Variants in PATJ observed in about 807,000 individuals in gnomAD.
PATJ encodes the protein PATJ crumbs cell polarity complex component, also known as inaD-like protein.
In PATJ, 190 loss-of-function variants were observed where a neutral mutation model predicts 224.9. The observed-to-expected ratio is 0.84, with a 90% CI of 0.75 to 0.95. PATJ has a LOEUF of 0.95. Ranked by LOEUF, PATJ falls within the 40% of genes least tolerant of loss-of-function variation. The pLI is 0.00. For missense variants in PATJ, 2,121 were observed against 2,270.3 expected (o/e 0.93, Z 1.34); for synonymous variants, 769 against 820.3 (o/e 0.94, Z 1.07).
chr1:62,134,330 CTTTTTTTTTT>C (rs779235130), intron 41 of PATJ, among the ~76,000 whole-genome samples: 1 of 96,518 alleles, frequency 1.0e-5, no homozygotes, highest in Non-Finnish European at 1.9e-5. Context: ...CCAGCCCTCT[CTTTTTTTTTT>C]TTTTTTTTTC....
chr1:62,152,449 C>T (rs959409088), intron 42 of PATJ, among the ~76,000 whole-genome samples: 26 of 151,686 alleles, frequency 1.7e-4, no homozygotes, highest in Admixed American at 6.6e-4. Context: ...GTCAGGAGTT[C>T]GAGACCAGCC....
intron 41 of PATJ, among the ~76,000 whole-genome samples, chr1:62,131,983 G>T (rs1666315642): frequency 6.6e-6 from 1 of 151,818 alleles, no homozygotes; most frequent in African/African-American, 2.4e-5. Flanking sequence ...CAAGTAGCTG[G>T]GACTACAAGC....
rs1270006250 is a variant in PATJ at position 62,106,087 on chromosome 1, C to T, written c.4378-2350C>T. 3.5e-3 allele frequency among the ~76,000 whole-genome samples: 211 copies of T among 60,766 alleles called. 6 individuals are homozygous for T. The highest frequency in any genetic ancestry group is 0.012 in the African/African-American group (189 of 15,852). The allele number at this position is 60,766 out of a possible 152,430, so 39.9% of individuals were successfully genotyped here. On this transcript the variant is annotated intron_variant, in intron 33 of 43. Coordinates refer to ENST00000642238, the MANE Select transcript of PATJ (RefSeq NM_001350145.3). ...AAATATATATATATATATACACACA[C>T]ACACACACACACACACACACACACA...
intron 28 of PATJ, among the ~76,000 whole-genome samples, chr1:61,997,371 G>A (rs778469654): frequency 8.5e-5 from 13 of 152,182 alleles, no homozygotes; most frequent in Non-Finnish European, 1.5e-4. Context: ...TGAGTGGTCA[G>A]CCTCACACAC....
At chr1:61,778,520 C>T (rs895203089) in intron 7 of PATJ, among the ~76,000 whole-genome samples, 1 of 152,108 alleles carries the variant, frequency 6.6e-6, no homozygotes, top group Non-Finnish European at 1.5e-5. Flanking sequence ...GCTGAAAGGA[C>T]TATTATAATA....
intron 14 of PATJ, among the ~76,000 whole-genome samples, chr1:61,809,307 A>G (rs1176252270): frequency 1.3e-5 from 2 of 152,126 alleles, no homozygotes; most frequent in East Asian, 3.8e-4. Flanking sequence ...TTCAGAAGTC[A>G]TAGTGTAATT....
chr1:62,009,629 A>T (rs530814893), intron 28 of PATJ, among the ~76,000 whole-genome samples: 1 of 152,316 alleles, frequency 6.6e-6, no homozygotes, highest in African/African-American at 2.4e-5. Context: ...AAGATTTCTC[A>T]GTAACATCGG....
intron 33 of PATJ, among the ~76,000 whole-genome samples, chr1:62,099,778 C>T (rs917567408): frequency 5.9e-5 from 9 of 152,262 alleles, no homozygotes; most frequent in Non-Finnish European, 1.2e-4. Context: ...AAATAGTTCA[C>T]CCACAAAAGG....
intron 28 of PATJ, among the ~76,000 whole-genome samples, chr1:61,997,982 T>TTATA (rs1553236113): frequency 1.7e-5 from 2 of 118,332 alleles, no homozygotes; most frequent in Admixed American, 9.4e-5. Flanking sequence ...TGTGCCCAGC[T>TTATA]TATATATGTA....
chr1:61,845,686 C>T (rs1661824193), intron 17 of PATJ, among the ~76,000 whole-genome samples: 1 of 152,136 alleles, frequency 6.6e-6, no homozygotes, highest in African/African-American at 2.4e-5. Flanking sequence ...TATATCAACA[C>T]TGGTTGACCT....
chr1:62,100,239 C>A, intron 33 of PATJ: 1 of 605,802 alleles, frequency 1.7e-6, no homozygotes. Flanking sequence ...AGCTTGGTGT[C>A]TTACTCCATT....
At chr1:62,122,234 A>G (rs941536806) in intron 38 of PATJ, among the ~76,000 whole-genome samples, 1 of 151,176 alleles carries the variant, frequency 6.6e-6, no homozygotes, top group Admixed American at 6.6e-5. Context: ...GCATGGTGGC[A>G]CATGCCTATA....
rs201535490 is a variant in PATJ at position 61,999,884 on chromosome 1, GT to G, written c.3867+9527del. Among the ~76,000 whole-genome samples the G allele has an allele frequency of 1.1e-3, 164 of 151,798 alleles. 3 individuals are homozygous for G. The East Asian group carries it at 0.02, about 18-fold the overall frequency. On this transcript the variant is annotated intron_variant, in intron 28 of 43. Transcript: ENST00000642238. ...CAGAGTTGTGGTTTTTGTTTTTGTT[GT>G]TTTTTTGGGTTTTTTTAGGCAGAGT...
chr1:62,028,964 A>AATACATGCATAC (rs1648609102), intron 29 of PATJ, among the ~76,000 whole-genome samples: 1 of 147,550 alleles, frequency 6.8e-6, no homozygotes. Flanking sequence ...CCTGTCTCAA[A>AATACATGCATAC]ATACATACAT....
chr1:62,068,920 A>C (rs1014431028), intron 31 of PATJ, among the ~76,000 whole-genome samples: 1 of 152,222 alleles, frequency 6.6e-6, no homozygotes, highest in Non-Finnish European at 1.5e-5. Flanking sequence ...GGTCCCTTGC[A>C]AAGTAAACAC....
At chr1:61,993,123 G>A (rs925192590) in intron 28 of PATJ, among the ~76,000 whole-genome samples, 9 of 152,326 alleles carry the variant, frequency 5.9e-5, no homozygotes, top group African/African-American at 1.9e-4. Context: ...CCCAGGTTAT[G>A]ACCTGAACTT....
chr1:61,946,654 A>G (rs954955759), intron 27 of PATJ, among the ~76,000 whole-genome samples: 1 of 152,186 alleles, frequency 6.6e-6, no homozygotes, highest in Non-Finnish European at 1.5e-5. Flanking sequence ...AAGAGCTCCT[A>G]CCATTCCTTC....
At chr1:61,937,641 TTTC>T (rs1386696544) in intron 27 of PATJ, among the ~76,000 whole-genome samples, 5 of 128,122 alleles carry the variant, frequency 3.9e-5, no homozygotes, top group African/African-American at 1.2e-4. Context: ...GACGAGGGAC[TTTC>T]TTCTTCTTTT....
chr1:61,992,414 G>T (rs1645123022), intron 28 of PATJ, among the ~76,000 whole-genome samples: 2 of 152,034 alleles, frequency 1.3e-5, no homozygotes, highest in Admixed American at 1.3e-4. Context: ...CACCAGGCCT[G>T]GTCCCCATGG....
Sources: allele counts gnomAD v4.1 joint callset (sites outside exome capture counted in the v4.1 genomes callset), GRCh38; gene constraint gnomAD v4.1.1; transcripts MANE v1.5; gene names NCBI Gene and HGNC (gene_info 2026-07-23, HGNC 2026-07-21).